Variants in SLC16A10 observed in about 807,000 individuals in gnomAD.
The protein encoded by SLC16A10 is solute carrier family 16 member 10.
SLC16A10 carries 27 observed loss-of-function variants against 40.0 expected under a neutral mutation model. That is an observed-to-expected ratio of 0.67 (90% confidence interval 0.50 to 0.93). The LOEUF is 0.93. Ranked by LOEUF, SLC16A10 falls within the 40% of genes least tolerant of loss-of-function variation. The pLI is 0.00. For synonymous variants in SLC16A10, 213 were observed against 249.8 expected (o/e 0.85, Z 1.39); for missense variants, 529 against 658.2 (o/e 0.80, Z 2.15).
At chr6:111,188,286 CCTT>C (rs1278326301) in intron 3 of SLC16A10, among the ~76,000 whole-genome samples, 1 of 151,476 alleles carries the variant, frequency 6.6e-6, no homozygotes, top group Admixed American at 6.6e-5. Flanking sequence ...TCCCTCCCTT[CCTT>C]CTTTCTTCCC....
intron 1 of SLC16A10, among the ~76,000 whole-genome samples, chr6:111,120,071 T>C (rs1771556793): frequency 1.3e-5 from 2 of 152,242 alleles, no homozygotes; most frequent in Non-Finnish European, 2.9e-5. Flanking sequence ...TCATGACTAA[T>C]GTCTGTATCC....
chr6:111,102,506 A>G (rs1771207329), intron 1 of SLC16A10, among the ~76,000 whole-genome samples: 1 of 152,214 alleles, frequency 6.6e-6, no homozygotes, highest in African/African-American at 2.4e-5. Flanking sequence ...ATACAAGAGG[A>G]CATATGCCAG....
At chr6:111,171,799 G>A (rs556047627) in intron 1 of SLC16A10, among the ~76,000 whole-genome samples, 10 of 142,878 alleles carry the variant, frequency 7.0e-5, no homozygotes, top group Non-Finnish European at 1.5e-4. Flanking sequence ...CTGGGCAGCG[G>A]AGTGAGACCT....
At chr6:111,181,970 T>TTTTTG (rs370869552) in intron 3 of SLC16A10, among the ~76,000 whole-genome samples, 4 of 151,982 alleles carry the variant, frequency 2.6e-5, no homozygotes, top group Non-Finnish European at 4.4e-5. Context: ...CTGGAATCTT[T>TTTTTG]TTTTGTTTTG....
chr6:111,179,815 T>C (rs1772756926), intron 3 of SLC16A10, among the ~76,000 whole-genome samples: 1 of 152,242 alleles, frequency 6.6e-6, no homozygotes, highest in Admixed American at 6.5e-5. Context: ...GTGCCCGTTA[T>C]CGCACCGAAT....
chr6:111,154,932 A>G (rs1169507680), intron 1 of SLC16A10, among the ~76,000 whole-genome samples: 1 of 149,788 alleles, frequency 6.7e-6, no homozygotes, highest in African/African-American at 2.5e-5. Context: ...CTGAGGCAGG[A>G]GAATTGCTTG....
chr6:111,113,761 C>T (rs190481093), intron 1 of SLC16A10, among the ~76,000 whole-genome samples: 1 of 152,246 alleles, frequency 6.6e-6, no homozygotes, highest in African/African-American at 2.4e-5. Flanking sequence ...CAGGGAAGAG[C>T]AGAGTCACAG....
chr6:111,193,424 C>T (rs757714262), intron 3 of SLC16A10: 11 of 564,870 alleles, frequency 1.9e-5, no homozygotes, highest in Non-Finnish European at 2.2e-5. Flanking sequence ...TATCTGACCA[C>T]TTGTTTACTC....
intron 1 of SLC16A10, among the ~76,000 whole-genome samples, chr6:111,155,510 A>C (rs1562415564): frequency 6.6e-6 from 1 of 152,144 alleles, no homozygotes; most frequent in African/African-American, 2.4e-5. Context: ...CAAAAAACAT[A>C]ATAATGTGGT....
chr6:111,161,025 C>G (rs1273330448), intron 1 of SLC16A10, among the ~76,000 whole-genome samples: 2 of 151,938 alleles, frequency 1.3e-5, no homozygotes, highest in East Asian at 3.9e-4. Context: ...GAGTTTGAAA[C>G]AAGCCTGACC....
chr6:111,130,276 G>A (rs1771757812), intron 1 of SLC16A10, among the ~76,000 whole-genome samples: 1 of 152,180 alleles, frequency 6.6e-6, no homozygotes, highest in Non-Finnish European at 1.5e-5. Flanking sequence ...AATATTTCTA[G>A]GGGAGAAGGT....
At chr6:111,165,417 T>C (rs1208932716) in intron 1 of SLC16A10, among the ~76,000 whole-genome samples, 3 of 152,232 alleles carry the variant, frequency 2.0e-5, no homozygotes, top group Admixed American at 6.5e-5. Flanking sequence ...GAAAATCTTT[T>C]TCCAGTGAAA....
intron 2 of SLC16A10, 140 bp from the exon 3 acceptor site, chr6:111,177,072 T>A (rs74995516): frequency 1.2e-5 from 2 of 166,874 alleles, no homozygotes; most frequent in Non-Finnish European, 2.0e-5. Flanking sequence ...TTTTGGTTAA[T>A]TTTTTTTTTT....
intron 4 of SLC16A10, among the ~76,000 whole-genome samples, chr6:111,209,952 G>A (rs907272621): frequency 4.6e-5 from 7 of 152,126 alleles, no homozygotes; most frequent in African/African-American, 1.4e-4. Context: ...ACAAGGGGGG[G>A]TCTTAGGTTT....
chr6:111,115,588 G>A (rs1051054965), intron 1 of SLC16A10, among the ~76,000 whole-genome samples: 2 of 152,226 alleles, frequency 1.3e-5, no homozygotes, highest in African/African-American at 4.8e-5. Context: ...AATAAGCAGT[G>A]AGAAATGTTT....
intron 5 of SLC16A10, 113 bp from the exon 6 acceptor site, chr6:111,221,889 TA>T (rs745942838): frequency 0.23 from 166,862 of 717,040 alleles, 16 homozygotes; most frequent in East Asian, 0.27. Flanking sequence ...ATCTGTTTCC[TA>T]AAAAAAAAAA....
At chr6:111,143,894 T>C (rs1355782205) in intron 1 of SLC16A10, among the ~76,000 whole-genome samples, 2 of 152,122 alleles carry the variant, frequency 1.3e-5, no homozygotes, top group Non-Finnish European at 2.9e-5. Context: ...GAGGTCAAGA[T>C]GGGAGGATCA....
chr6:111,188,360 C>CTTTGCTACTTTGCAG (rs1772935855), intron 3 of SLC16A10, among the ~76,000 whole-genome samples: 6 of 151,698 alleles, frequency 4.0e-5, no homozygotes, highest in Admixed American at 2.6e-4. Flanking sequence ...CTACTTTGCA[C>CTTTGCTACTTTGCAG]AATGCTTTGC....
chr6:111,153,650 G>A (rs1460554259), intron 1 of SLC16A10, among the ~76,000 whole-genome samples: 1 of 152,196 alleles, frequency 6.6e-6, no homozygotes, highest in Non-Finnish European at 1.5e-5. Context: ...GAATCTAGAA[G>A]TTTCCATTTA....
Sources: gnomAD v4.1 joint callset for allele counts (sites outside exome capture counted in the v4.1 genomes callset) on GRCh38, gnomAD v4.1.1 for gene constraint, MANE v1.5 for transcripts, NCBI Gene and HGNC (gene_info 2026-07-23, HGNC 2026-07-21) for gene names.